Variants in TBC1D5 observed in about 807,000 individuals in gnomAD.
The protein encoded by TBC1D5 is TBC1 domain family member 5.
TBC1D5 carries 75 observed loss-of-function variants against 100.3 expected under a neutral mutation model. The ratio of observed to expected loss-of-function variants is 0.75; its 90% CI spans 0.62 to 0.91. TBC1D5 has a LOEUF of 0.91. Among genes scored for constraint, TBC1D5 ranks in the 40% least tolerant of loss-of-function variants. TBC1D5 has a pLI of 0.00. For missense variants in TBC1D5, 910 were observed against 942.4 expected (o/e 0.97, Z 0.45); for synonymous variants, 323 against 325.6 (o/e 0.99, Z 0.09).
chr3:17,516,700 T>C (rs905991522), intron 2 of TBC1D5, among the ~76,000 whole-genome samples: 7 of 152,208 alleles, frequency 4.6e-5, no homozygotes, highest in African/African-American at 7.2e-5. Flanking sequence ...TATTATCCAA[T>C]AGGAATAAAA....
intron 1 of TBC1D5, among the ~76,000 whole-genome samples, chr3:17,692,176 T>C (rs2071274544): frequency 6.6e-6 from 1 of 152,200 alleles, no homozygotes; most frequent in African/African-American, 2.4e-5. Context: ...CACTGCAGCC[T>C]CCACCTCTCA....
Position 17,591,252 on chromosome 3 carries a change from AAAAAAAAAAAAAAAC to A in TBC1D5, c.-36+32582_-36+32596del, listed in dbSNP as rs1353162516. Among the ~76,000 whole-genome samples the A allele has an allele frequency of 2.2e-3, 308 of 139,836 alleles. 5 individuals are homozygous for A. Among genetic ancestry groups the A allele is most frequent in the Non-Finnish European group, 3.6e-3 (238 of 65,246 alleles). 91.7% of individuals were successfully genotyped at this position (139,836 alleles called of 152,430 possible). On this transcript the variant is annotated intron_variant, in intron 2 of 21. Coordinates refer to ENST00000253692, the Ensembl canonical transcript of TBC1D5. ...ATCTGTCAAAAAAAAAAAAAAAAAA[AAAAAAAAAAAAAAAC>A]AAAAACCCCAGAGAATCATGGCCCC...
intron 2 of TBC1D5, among the ~76,000 whole-genome samples, chr3:17,520,631 G>A (rs993588925): frequency 2.0e-5 from 3 of 151,700 alleles, no homozygotes; most frequent in African/African-American, 4.8e-5. Flanking sequence ...TTCTCTCAAG[G>A]GGCCCAAAAT....
chr3:17,260,450 A>G (rs1177688654), intron 15 of TBC1D5, among the ~76,000 whole-genome samples: 1 of 152,240 alleles, frequency 6.6e-6, no homozygotes, highest in African/African-American at 2.4e-5. Context: ...ACTTGAACAT[A>G]TAAATGAGGC....
chr3:17,265,885 C>CT (rs367863783), intron 15 of TBC1D5, among the ~76,000 whole-genome samples: 5,910 of 142,566 alleles, frequency 0.041, 200 homozygotes, highest in East Asian at 0.2. Flanking sequence ...CTGCCAATTG[C>CT]TTTTTTTTTT....
intron 3 of TBC1D5, among the ~76,000 whole-genome samples, chr3:17,437,643 AG>A (rs2094561240): frequency 9.5e-6 from 1 of 105,672 alleles, no homozygotes; most frequent in Non-Finnish European, 2.0e-5. Context: ...AGAGAGAGAG[AG>A]GAAGGGAGGG....
intron 1 of TBC1D5, among the ~76,000 whole-genome samples, chr3:17,624,632 C>G (rs1390202316): frequency 6.6e-6 from 1 of 152,068 alleles, no homozygotes; most frequent in African/African-American, 2.4e-5. Flanking sequence ...CTTTCTTTTA[C>G]TTCTATTTCT....
chr3:17,286,092 G>T (rs2081160406), intron 15 of TBC1D5, among the ~76,000 whole-genome samples: 1 of 152,072 alleles, frequency 6.6e-6, no homozygotes, highest in African/African-American at 2.4e-5. Context: ...ATCTAAAATG[G>T]TAATACATGT....
chr3:17,477,600 T>C (rs2095453100), intron 3 of TBC1D5, among the ~76,000 whole-genome samples: 1 of 152,044 alleles, frequency 6.6e-6, no homozygotes, highest in Admixed American at 6.5e-5. Context: ...TAAGTCATTG[T>C]ATGTCCGTTA....
At chr3:17,406,661 G>T in intron 4 of TBC1D5, 135 bp from the exon 5 acceptor site, 2 of 654,570 alleles carry the variant, frequency 3.1e-6, no homozygotes, top group African/African-American at 1.9e-5. Flanking sequence ...GTTGTGTACT[G>T]TTTCTGAACG....
At chr3:17,370,701 C>T (rs2092407549) in intron 13 of TBC1D5, among the ~76,000 whole-genome samples, 1 of 152,184 alleles carries the variant, frequency 6.6e-6, no homozygotes, top group African/African-American at 2.4e-5. Flanking sequence ...AGTTATTATT[C>T]ATGGAAGACT....
At chr3:17,289,462 C>A (rs909525021) in intron 15 of TBC1D5, among the ~76,000 whole-genome samples, 1 of 151,938 alleles carries the variant, frequency 6.6e-6, no homozygotes, top group African/African-American at 2.4e-5. Flanking sequence ...AGTGAAACCC[C>A]ATATCTACTA....
intron 1 of TBC1D5, among the ~76,000 whole-genome samples, chr3:17,736,032 T>C (rs1042279161): frequency 3.3e-5 from 5 of 152,232 alleles, no homozygotes; most frequent in Non-Finnish European, 1.5e-5. Flanking sequence ...GATTTGACTA[T>C]TTCTTTACCT....
intron 1 of TBC1D5, among the ~76,000 whole-genome samples, chr3:17,647,264 ACAAAG>A (rs1014849901): frequency 6.6e-5 from 10 of 152,148 alleles, no homozygotes; most frequent in African/African-American, 2.2e-4. Flanking sequence ...ACCACAGAAA[ACAAAG>A]CAAAGTTCCT....
intron 13 of TBC1D5, among the ~76,000 whole-genome samples, chr3:17,317,997 A>C (rs2084907566): frequency 6.6e-6 from 1 of 152,120 alleles, no homozygotes; most frequent in Non-Finnish European, 1.5e-5. Context: ...ACAATGATAG[A>C]CTGGATTAAG....
At chr3:17,641,861 C>T (rs2064539752) in intron 1 of TBC1D5, among the ~76,000 whole-genome samples, 1 of 152,078 alleles carries the variant, frequency 6.6e-6, no homozygotes, top group Non-Finnish European at 1.5e-5. Flanking sequence ...AATAATTTTA[C>T]AGGAAGCTAG....
At chr3:17,370,467 ATTAG>A (rs759214978) in intron 13 of TBC1D5, among the ~76,000 whole-genome samples, 15 of 152,308 alleles carry the variant, frequency 9.8e-5, no homozygotes, top group South Asian at 4.1e-4. Context: ...TCATAAATGT[ATTAG>A]TTAGACTTTC....
intron 13 of TBC1D5, among the ~76,000 whole-genome samples, chr3:17,367,200 T>G (rs2092198538): frequency 6.6e-6 from 1 of 152,190 alleles, no homozygotes. Context: ...ACTGTTAAAC[T>G]TCAAATTTTA....
chr3:17,370,443 T>G (rs975621335), intron 13 of TBC1D5, among the ~76,000 whole-genome samples: 4 of 152,168 alleles, frequency 2.6e-5, no homozygotes, highest in Admixed American at 2.6e-4. Context: ...TCAAATAAAT[T>G]TTTATGTCTA....
Sources: gnomAD v4.1 joint callset for allele counts (sites outside exome capture counted in the v4.1 genomes callset) on GRCh38, gnomAD v4.1.1 for gene constraint, MANE v1.5 for transcripts, NCBI Gene and HGNC (gene_info 2026-07-23, HGNC 2026-07-21) for gene names.